Variants in MACROD2 observed in about 807,000 individuals in gnomAD.
MACROD2 encodes ADP-ribose glycohydrolase MACROD2.
In MACROD2, 36 loss-of-function variants were observed where a neutral mutation model predicts 70.4. The observed-to-expected ratio is 0.51, with a 90% CI of 0.39 to 0.68. The LOEUF is 0.68. Ranked by LOEUF, MACROD2 falls within the 30% of genes least tolerant of loss-of-function variation. MACROD2 has a pLI of 0.00. For synonymous variants in MACROD2, 172 were observed against 178.8 expected (o/e 0.96, Z 0.30); for missense variants, 496 against 538.4 (o/e 0.92, Z 0.78).
chr20:14,580,521 C>T (rs985248214), intron 4 of MACROD2, among the ~76,000 whole-genome samples: 5 of 152,034 alleles, frequency 3.3e-5, no homozygotes, highest in African/African-American at 4.8e-5. Context: ...AATTGGATGT[C>T]ATGTCTTGTA....
intron 4 of MACROD2, among the ~76,000 whole-genome samples, chr20:14,556,747 A>T (rs567509311): frequency 6.6e-6 from 1 of 152,180 alleles, no homozygotes; most frequent in South Asian, 2.1e-4. Context: ...AGAAATCAAG[A>T]TAGAAATTTT....
intron 17 of MACROD2, among the ~76,000 whole-genome samples, chr20:16,045,820 G>A (rs935607598): frequency 1.3e-5 from 2 of 151,956 alleles, no homozygotes; most frequent in African/African-American, 2.4e-5. Context: ...ATCACTGGAC[G>A]GGGGCAGCGG....
rs150097498 is a variant in MACROD2 at position 15,696,368 on chromosome 20, C to T, written c.646-166377C>T. On this transcript the variant is annotated intron_variant, in intron 8 of 17. Transcript: ENST00000684519. Reference sequence around the variant, plus strand: ...CATTTATTGACTTGCATATCTTAAACCTTCCCTGCATTCCTGGTATGAAAC... The same window carrying T: ...CATTTATTGACTTGCATATCTTAAATCTTCCCTGCATTCCTGGTATGAAAC... Among the ~76,000 whole-genome samples the T allele has an allele frequency of 2.2e-3, 331 of 152,302 alleles. 1 individual carries two copies. The highest frequency in any genetic ancestry group is 7.7e-3 in the African/African-American group (319 of 41,562).
chr20:15,486,249 A>G (rs1023151377), intron 7 of MACROD2, among the ~76,000 whole-genome samples: 8 of 152,100 alleles, frequency 5.3e-5, no homozygotes, highest in Non-Finnish European at 2.9e-5. Flanking sequence ...AATTGAGCCC[A>G]CCTATACTTC....
intron 4 of MACROD2, among the ~76,000 whole-genome samples, 189 bp from the exon 5 acceptor site, chr20:14,684,654 C>CTG (rs1568737534): frequency 6.8e-6 from 1 of 147,154 alleles, no homozygotes; most frequent in African/African-American, 2.5e-5. Context: ...CCTCACCCCC[C>CTG]CCCCCCGGCC....
chr20:15,590,615 G>A (rs2048664096), intron 8 of MACROD2, among the ~76,000 whole-genome samples: 1 of 152,266 alleles, frequency 6.6e-6, no homozygotes, highest in Middle Eastern at 3.4e-3. Flanking sequence ...AGGCACGGTG[G>A]CTCACGCCTG....
chr20:14,650,159 G>C (rs1600498813), intron 4 of MACROD2, among the ~76,000 whole-genome samples: 1 of 152,158 alleles, frequency 6.6e-6, no homozygotes, highest in African/African-American at 2.4e-5. Context: ...GCAAAAAACT[G>C]TCTCCCCATG....
intron 5 of MACROD2, among the ~76,000 whole-genome samples, chr20:15,161,996 T>G (rs899569969): frequency 2.0e-5 from 3 of 151,894 alleles, no homozygotes; most frequent in South Asian, 4.1e-4. Flanking sequence ...GGTGTTGTAT[T>G]GTATTAAAAT....
At position 15,614,350 on chromosome 20, in the gene MACROD2, G is replaced by C. The variant is rs457433; in HGVS notation, c.645+114503G>C. On this transcript the variant is annotated intron_variant, in intron 8 of 17. Transcript: ENST00000684519. ...TTTTCTCCCATAACCAGTTCCCCTG[G>C]TTACTCCCATTGCTTGCTGTGTTTC... 9.6e-3 allele frequency among the ~76,000 whole-genome samples: 1,468 copies of C among 152,170 alleles called. 15 individuals are homozygous for C. Among genetic ancestry groups the C allele is most frequent in the Middle Eastern group, 0.027 (8 of 294 alleles).
chr20:15,933,415 G>T (rs897576415), intron 11 of MACROD2, 77 bp downstream of exon 11: 4 of 1,347,268 alleles, frequency 3.0e-6, no homozygotes, highest in Non-Finnish European at 4.2e-6. Flanking sequence ...CAATGCTATT[G>T]TCTGAAAATG....
intron 5 of MACROD2, among the ~76,000 whole-genome samples, chr20:15,095,367 G>T (rs1047544572): frequency 2.6e-5 from 4 of 151,728 alleles, no homozygotes; most frequent in Non-Finnish European, 5.9e-5. Flanking sequence ...GAGCCACCAC[G>T]CCCGGCCTGC....
At chr20:14,934,135 G>A (rs2074320259) in intron 5 of MACROD2, among the ~76,000 whole-genome samples, 1 of 152,142 alleles carries the variant, frequency 6.6e-6, no homozygotes, top group Non-Finnish European at 1.5e-5. Context: ...ACGTCAAAGA[G>A]TTTACCAAGA....
intron 3 of MACROD2, among the ~76,000 whole-genome samples, chr20:14,208,480 C>T (rs1437709534): frequency 2.0e-5 from 3 of 152,178 alleles, no homozygotes; most frequent in African/African-American, 4.8e-5. Context: ...ATAGCTACAA[C>T]TCAGTTGTCA....
chr20:14,907,689 G>T (rs1486755628), intron 5 of MACROD2, among the ~76,000 whole-genome samples: 1 of 152,218 alleles, frequency 6.6e-6, no homozygotes, highest in East Asian at 1.9e-4. Context: ...GCAGAATTAA[G>T]TATGGCTTGT....
At chr20:15,732,575 A>G (rs897523963) in intron 8 of MACROD2, among the ~76,000 whole-genome samples, 1 of 152,228 alleles carries the variant, frequency 6.6e-6, no homozygotes, top group African/African-American at 2.4e-5. Flanking sequence ...TTAATGAATT[A>G]GAATAATTTA....
intron 17 of MACROD2, among the ~76,000 whole-genome samples, chr20:16,046,452 G>T (rs2067382731): frequency 6.6e-6 from 1 of 151,722 alleles, no homozygotes; most frequent in Non-Finnish European, 1.5e-5. Context: ...CAATTTAAAT[G>T]CAAGCTCCTC....
chr20:14,065,322 C>G (rs1348247595), intron 2 of MACROD2, among the ~76,000 whole-genome samples: 1 of 152,210 alleles, frequency 6.6e-6, no homozygotes, highest in East Asian at 1.9e-4. Context: ...TTGTATAACT[C>G]TGCAGTCCTT....
At chr20:15,225,164 G>A (rs2076894944) in intron 5 of MACROD2, among the ~76,000 whole-genome samples, 1 of 151,874 alleles carries the variant, frequency 6.6e-6, no homozygotes, top group African/African-American at 2.4e-5. Flanking sequence ...AAATTATTGA[G>A]GCTAGGAAAA....
chr20:14,368,152 A>G (rs530775063), intron 3 of MACROD2, among the ~76,000 whole-genome samples: 30 of 152,090 alleles, frequency 2.0e-4, no homozygotes, highest in Non-Finnish European at 4.1e-4. Context: ...GTCTTTATTC[A>G]TTAAGTCCAA....
Sources: gnomAD v4.1 joint callset for allele counts (sites outside exome capture counted in the v4.1 genomes callset) on GRCh38, gnomAD v4.1.1 for gene constraint, MANE v1.5 for transcripts, NCBI Gene and HGNC (gene_info 2026-07-23, HGNC 2026-07-21) for gene names.